Variants in H2BC1 observed in about 807,000 individuals in gnomAD.
H2BC1 encodes H2B clustered histone 1.
In H2BC1, 5 loss-of-function variants were observed where a neutral mutation model predicts 5.4. That is an observed-to-expected ratio of 0.92 (90% CI 0.48 to 1.94). The LOEUF is 1.94. Ranked by LOEUF, H2BC1 falls within the 30% of genes most tolerant of loss-of-function variation. The probability of loss-of-function intolerance (pLI) is 0.01; values close to 1 mark genes in which losing one functional copy is unlikely to be tolerated. For missense variants in H2BC1, 210 were observed against 159.1 expected (o/e 1.32, Z -1.72); for synonymous variants, 131 against 58.2 (o/e 2.25, Z -5.69).
At position 25,726,947 on chromosome 6, in the gene H2BC1, G is replaced by T. The variant is rs547804110; in HGVS notation, c.39G>T (p.Lys13Asn). 2 of 1,614,010 alleles carry T rather than the reference G, an allele frequency of 1.2e-6. No homozygotes were observed. ...EVSSKGATIS[K>N]KGFKKAVVKT... ...CATCTAAAGGTGCTACCATTTCCAA[G>T]AAGGGCTTTAAGAAAGCTGTCGTTA... The change falls in exon 1 of 1, where the codon AAG (lysine) becomes AAT (asparagine). Residue 13 changes from lysine (K) to asparagine (N), a missense_variant. By Grantham distance (94) the Lys-to-Asn change is moderately conservative (BLOSUM62 0). Coordinates refer to ENST00000274764, the MANE Select transcript of H2BC1 (RefSeq NM_170610.3).
rs913368561 is a variant in H2BC1, at chr6:25,727,283, C to T, written c.375C>T (p.Ser125=). Residue 125 remains serine (S), a synonymous_variant, in exon 1 of 1, where the codon AGC becomes AGT. Transcript: ENST00000274764. ...EGTKAVTKYT[S]SK ...CCAAGGCTGTCACTAAGTACACCAG[C>T]TCCAAGTAAGCCTGCTAAGTAAACG... 7 of 1,600,482 alleles carry T rather than the reference C, an allele frequency of 4.4e-6. No homozygotes were observed. Among genetic ancestry groups the T allele is most frequent in the Non-Finnish European group, 6.0e-6 (7 of 1,171,630 alleles).
At position 25,727,293 on chromosome 6, in the gene H2BC1, G is replaced by C. The variant is rs1273359871; in HGVS notation, c.*1G>C. On this transcript the variant is annotated 3_prime_UTR_variant, in exon 1 of 1. Coordinates refer to ENST00000274764, the MANE Select transcript of H2BC1 (RefSeq NM_170610.3). ...CACTAAGTACACCAGCTCCAAGTAAGCCTGCTAAGTAAACGTCATTTCTAA... is the reference window on the plus strand; with the variant it reads ...CACTAAGTACACCAGCTCCAAGTAACCCTGCTAAGTAAACGTCATTTCTAA... 1 of 1,587,908 alleles carries C rather than the reference G, an allele frequency of 6.3e-7. No homozygotes were observed. The highest frequency in any genetic ancestry group is 1.8e-5 in the Admixed American group (1 of 57,136).
chr6:25,726,796 C>A lies in H2BC1; in HGVS notation c.-113C>A. 1 of 1,335,998 alleles carries A rather than the reference C, an allele frequency of 7.5e-7. No homozygotes were observed. Among genetic ancestry groups the A allele is most frequent in the Non-Finnish European group, 1.0e-6 (1 of 973,514 alleles). 82.8% of individuals were successfully genotyped at this position (1,335,998 alleles called of 1,614,324 possible). A position where few individuals can be genotyped will look rare whatever the true frequency, so the allele number is the denominator to read the frequency against. On this transcript the variant is annotated 5_prime_UTR_variant, in exon 1 of 1. Transcript: ENST00000274764. ...AGTTCTGTTTGTTTACTTGGCGAGA[C>A]TTGGAGCTGAGGTCATTTGGAGCTG...
rs769158779 is a variant in H2BC1, at chr6:25,727,294, CCTG to C, written c.*5_*7del. 4 of 1,585,038 alleles carry C rather than the reference CCTG, an allele frequency of 2.5e-6. No individual in the cohort carries two copies. In the South Asian group the frequency reaches 4.6e-5, roughly 18 times the overall value. On this transcript the variant is annotated 3_prime_UTR_variant, in exon 1 of 1. Coordinates refer to ENST00000274764, the MANE Select transcript of H2BC1 (RefSeq NM_170610.3). ...ACTAAGTACACCAGCTCCAAGTAAG[CCTG>C]CTAAGTAAACGTCATTTCTAACCCA... is the stretch of plus-strand genomic sequence containing the variant.
chr6:25,726,841 T>G lies in H2BC1; in HGVS notation c.-68T>G. ...GAGCTGTTTAATACTGAAGAGCTGT[T>G]GAGCACTGGAAAGTGCTGTGTAACC... On this transcript the variant is annotated 5_prime_UTR_variant, in exon 1 of 1. Transcript: ENST00000274764. 1 of 1,517,884 alleles carries G rather than the reference T, an allele frequency of 6.6e-7. No homozygotes were observed. Among genetic ancestry groups the G allele is most frequent in the Non-Finnish European group, 8.9e-7 (1 of 1,127,720 alleles). 94.0% of individuals were successfully genotyped at this position (1,517,884 alleles called of 1,614,324 possible). A position where few individuals can be genotyped will look rare whatever the true frequency, so the allele number is the denominator to read the frequency against.
In H2BC1 at chr6:25,726,849, G is replaced by A. The variant is rs1182849386; in HGVS notation, c.-60G>A. 1.9e-6 allele frequency: 3 copies of A among 1,542,576 alleles called. No individual in the cohort carries two copies. Among genetic ancestry groups the A allele is most frequent in the East Asian group, 2.2e-5 (1 of 44,486 alleles). On this transcript the variant is annotated 5_prime_UTR_variant, in exon 1 of 1. Coordinates refer to ENST00000274764, the MANE Select transcript of H2BC1 (RefSeq NM_170610.3). ...TAATACTGAAGAGCTGTTGAGCACT[G>A]GAAAGTGCTGTGTAACCCTGGAAAA... is the stretch of plus-strand genomic sequence containing the variant.
In H2BC1 at chr6:25,727,299, T is replaced by A. The variant is rs17320558; in HGVS notation, c.*7T>A. On this transcript the variant is annotated 3_prime_UTR_variant, in exon 1 of 1. Transcript: ENST00000274764. The stretch of plus-strand genomic sequence containing the variant: ...GTACACCAGCTCCAAGTAAGCCTGC[T>A]AAGTAAACGTCATTTCTAACCCAAA... 199,365 of 1,578,048 alleles carry A rather than the reference T, an allele frequency of 0.13. 13,332 individuals carry two copies. Among genetic ancestry groups the A allele is most frequent in the Middle Eastern group, 0.2 (1,145 of 5,804 alleles).
chr6:25,726,866 C>G lies in H2BC1; in HGVS notation c.-43C>G. ...TGAGCACTGGAAAGTGCTGTGTAACCCTGGAAAAGAACCGTGTAACGCTGC... is the reference window on the plus strand; with the variant it reads ...TGAGCACTGGAAAGTGCTGTGTAACGCTGGAAAAGAACCGTGTAACGCTGC... On this transcript the variant is annotated 5_prime_UTR_variant, in exon 1 of 1. Transcript: ENST00000274764. The G allele has an allele frequency of 6.4e-7, 1 of 1,571,538 alleles. No homozygotes were observed. The highest frequency in any genetic ancestry group is 1.2e-5 in the South Asian group (1 of 81,070).
At position 25,726,852 on chromosome 6, in the gene H2BC1, A is replaced by C; in HGVS notation, c.-57A>C. ...TACTGAAGAGCTGTTGAGCACTGGA[A>C]AGTGCTGTGTAACCCTGGAAAAGAA... On this transcript the variant is annotated 5_prime_UTR_variant, in exon 1 of 1. Coordinates refer to ENST00000274764, the MANE Select transcript of H2BC1 (RefSeq NM_170610.3). The C allele has an allele frequency of 6.5e-7, 1 of 1,545,688 alleles. No individual in the cohort carries two copies. Among genetic ancestry groups the C allele is most frequent in the Admixed American group, 2.0e-5 (1 of 50,280 alleles).
rs529809430 is a variant in H2BC1 at position 25,726,798 on chromosome 6, T to C, written c.-111T>C. ...TTCTGTTTGTTTACTTGGCGAGACT[T>C]GGAGCTGAGGTCATTTGGAGCTGTT... On this transcript the variant is annotated 5_prime_UTR_variant, in exon 1 of 1. Transcript: ENST00000274764. 21 of 1,347,764 alleles carry C rather than the reference T, an allele frequency of 1.6e-5. No individual in the cohort carries two copies. In the East Asian group the frequency reaches 4.4e-4, roughly 28 times the overall value. The allele number at this position is 1,347,764 out of a possible 1,614,324, so 83.5% of individuals were successfully genotyped here.
rs759664726 is a variant in H2BC1 at position 25,727,174 on chromosome 6, C to T, written c.266C>T (p.Ser89Phe). Residue 89 changes from serine to phenylalanine, a missense_variant, in exon 1 of 1, where the codon TCC (serine) becomes TTC (phenylalanine). Physicochemically the swap from Ser to Phe is radical, Grantham distance 155 (BLOSUM62 -2). Coordinates refer to ENST00000274764, the MANE Select transcript of H2BC1 (RefSeq NM_170610.3). Reference sequence around the variant, plus strand: ...CGTTTGGCTCACTACAGCAAGCGCTCCACCATTTCTTCCAGAGAGATTCAG... The same window carrying T: ...CGTTTGGCTCACTACAGCAAGCGCTTCACCATTTCTTCCAGAGAGATTCAG... ...ASRLAHYSKRSTISSREIQTA... is the reference protein window; with the variant it reads ...ASRLAHYSKRFTISSREIQTA... 4 of 1,614,162 alleles carry T rather than the reference C, an allele frequency of 2.5e-6. No homozygotes were observed. The highest frequency in any genetic ancestry group is 2.5e-6 in the Non-Finnish European group (3 of 1,180,040).
In H2BC1 at chr6:25,727,054, A is replaced by C; in HGVS notation, c.146A>C (p.Gln49Pro). Residue 49 changes from glutamine (Q) to proline (P), a missense_variant, in exon 1 of 1, where the codon CAG becomes CCG. Physicochemically the swap from Gln to Pro is moderately conservative, Grantham distance 76. Coordinates refer to ENST00000274764, the MANE Select transcript of H2BC1 (RefSeq NM_170610.3). ...YSIYIYKVLKQVHPDTGISSK... is the reference protein window; with the variant it reads ...YSIYIYKVLKPVHPDTGISSK... Reference sequence around the variant, plus strand: ...ATTTACATCTACAAAGTGCTAAAGCAGGTCCATCCGGACACTGGCATCTCT... The same window carrying C: ...ATTTACATCTACAAAGTGCTAAAGCCGGTCCATCCGGACACTGGCATCTCT... 6.2e-7 allele frequency: 1 copy of C among 1,614,280 alleles called. No individual in the cohort carries two copies. Among genetic ancestry groups the C allele is most frequent in the Non-Finnish European group, 8.5e-7 (1 of 1,180,046 alleles).
rs574194348 is a variant in H2BC1 at position 25,726,891 on chromosome 6, C to T, written c.-18C>T. 1.2e-5 allele frequency: 20 copies of T among 1,603,736 alleles called. No homozygotes were observed. The highest frequency in any genetic ancestry group is 2.3e-5 in the South Asian group (2 of 88,310). On this transcript the variant is annotated 5_prime_UTR_variant, in exon 1 of 1. Coordinates refer to ENST00000274764, the MANE Select transcript of H2BC1 (RefSeq NM_170610.3). Reference sequence around the variant, plus strand: ...CCTGGAAAAGAACCGTGTAACGCTGCAGAAGTGTGTGGTAGCTATGCCGGA... The same window carrying T: ...CCTGGAAAAGAACCGTGTAACGCTGTAGAAGTGTGTGGTAGCTATGCCGGA...
Position 25,726,982 on chromosome 6 carries a change from A to G in H2BC1, c.74A>G (p.Lys25Arg), listed in dbSNP as rs371975834. Residue 25 changes from lysine (K) to arginine (R), a missense_variant, in exon 1 of 1, where the codon AAA (lysine) becomes AGA (arginine). Transcript: ENST00000274764. Reference protein sequence around the residue: ...GFKKAVVKTQKKEGKKRKRTR... With the variant: ...GFKKAVVKTQRKEGKKRKRTR... ...AAGAAAGCTGTCGTTAAGACCCAGA[A>G]AAAGGAAGGCAAAAAGCGCAAGAGG... 1.2e-6 allele frequency: 2 copies of G among 1,614,088 alleles called. No individual in the cohort carries two copies. Among genetic ancestry groups the G allele is most frequent in the Non-Finnish European group, 1.7e-6 (2 of 1,180,042 alleles).
Position 25,727,326 on chromosome 6 carries a change from G to C in H2BC1, c.*34G>C. 6.5e-7 allele frequency: 1 copy of C among 1,540,538 alleles called. No homozygotes were observed. ...AGTAAACGTCATTTCTAACCCAAAGGCTCTTTTCAGAGCCACTTAAACATA... is the reference window on the plus strand; with the variant it reads ...AGTAAACGTCATTTCTAACCCAAAGCCTCTTTTCAGAGCCACTTAAACATA... On this transcript the variant is annotated 3_prime_UTR_variant, in exon 1 of 1. Coordinates refer to ENST00000274764, the MANE Select transcript of H2BC1 (RefSeq NM_170610.3).
Position 25,727,110 on chromosome 6 carries a change from G to A in H2BC1, c.202G>A (p.Val68Ile), listed in dbSNP as rs146343091. The A allele has an allele frequency of 5.0e-5, 81 of 1,614,060 alleles. No homozygotes were observed. Among genetic ancestry groups the A allele is most frequent in the Middle Eastern group, 3.3e-4 (2 of 6,084 alleles). The change falls in exon 1 of 1, where the codon GTC becomes ATC. Residue 68 changes from valine to isoleucine, a missense_variant. Val to Ile is a conservative substitution (Grantham distance 29). Coordinates refer to ENST00000274764, the MANE Select transcript of H2BC1 (RefSeq NM_170610.3). ...SKAMSIMNSF[V>I]TDIFERIASE... ...AGCTATGAGCATTATGAATTCCTTC[G>A]TCACTGATATCTTTGAGCGTATAGC...
At position 25,726,847 on chromosome 6, in the gene H2BC1, C is replaced by G. The variant is rs538199092; in HGVS notation, c.-62C>G. 3 of 1,542,868 alleles carry G rather than the reference C, an allele frequency of 1.9e-6. No individual in the cohort carries two copies. Among genetic ancestry groups the G allele is most frequent in the Non-Finnish European group, 2.6e-6 (3 of 1,147,876 alleles). ...TTTAATACTGAAGAGCTGTTGAGCA[C>G]TGGAAAGTGCTGTGTAACCCTGGAA... On this transcript the variant is annotated 5_prime_UTR_variant, in exon 1 of 1. Coordinates refer to ENST00000274764, the MANE Select transcript of H2BC1 (RefSeq NM_170610.3).
Position 25,727,171 on chromosome 6 carries a change from G to T in H2BC1, c.263G>T (p.Arg88Leu). 1 of 1,614,120 alleles carries T rather than the reference G, an allele frequency of 6.2e-7. No homozygotes were observed. Among genetic ancestry groups the T allele is most frequent in the South Asian group, 1.1e-5 (1 of 91,076 alleles). ...EASRLAHYSK[R>L]STISSREIQT... Reference sequence around the variant, plus strand: ...TCACGTTTGGCTCACTACAGCAAGCGCTCCACCATTTCTTCCAGAGAGATT... The same window carrying T: ...TCACGTTTGGCTCACTACAGCAAGCTCTCCACCATTTCTTCCAGAGAGATT... The change falls in exon 1 of 1, where the codon CGC becomes CTC. Residue 88 changes from arginine (R) to leucine (L), a missense_variant. Transcript: ENST00000274764.
At position 25,727,238 on chromosome 6, in the gene H2BC1, A is replaced by G. The variant is rs1191725286; in HGVS notation, c.330A>G (p.Lys110=). 6 of 1,613,532 alleles carry G rather than the reference A, an allele frequency of 3.7e-6. No homozygotes were observed. Among genetic ancestry groups the G allele is most frequent in the African/African-American group, 2.7e-5 (2 of 74,910 alleles). ...TGCTACTGCCGGGAGAGCTGGCTAAACATGCTGTGTCTGAGGGCACCAAGG... is the reference window on the plus strand; with the variant it reads ...TGCTACTGCCGGGAGAGCTGGCTAAGCATGCTGTGTCTGAGGGCACCAAGG... ...VRLLLPGELA[K]HAVSEGTKAV... The change falls in exon 1 of 1, where the codon AAA becomes AAG. Residue 110 remains lysine (K), a synonymous_variant. Transcript: ENST00000274764.
Sources: gnomAD v4.1 joint callset for allele counts on GRCh38, gnomAD v4.1.1 for gene constraint, MANE v1.5 for transcripts, NCBI Gene and HGNC (gene_info 2026-07-23, HGNC 2026-07-21) for gene names.